The following FBXL17 variants were observed in gnomAD, a reference collection of about 807,000 sequenced individuals.
FBXL17 encodes F-box/LRR-repeat protein 17.
A neutral mutation model predicts 66.2 loss-of-function variants in FBXL17; 22 were observed. That is an observed-to-expected ratio of 0.33 (90% CI 0.24 to 0.47). The LOEUF is 0.47. FBXL17 is among the 20% of genes least tolerant of loss of function. FBXL17 has a pLI of 1.00. For missense variants in FBXL17, 878 were observed against 948.2 expected, an observed-to-expected ratio of 0.93 and a Z score of 0.97; for synonymous variants, 474 against 400.5, an observed-to-expected ratio of 1.18 and a Z score of -2.19.
chr5:108,028,030 A>G (rs906136055), intron 6 of FBXL17, among the ~76,000 whole-genome samples: 2 of 152,156 alleles, frequency 1.3e-5, no homozygotes, highest in African/African-American at 4.8e-5. Context: ...TTTAATACAG[A>G]CAGCAGAAGA....
At chr5:107,945,522 T>C (rs537490875) in intron 7 of FBXL17, among the ~76,000 whole-genome samples, 4 of 152,258 alleles carry the variant, frequency 2.6e-5, no homozygotes, top group Admixed American at 1.3e-4. Flanking sequence ...TGGTATAACA[T>C]ATAAGAGCAA....
chr5:108,126,306 G>T (rs1485567992), intron 6 of FBXL17, among the ~76,000 whole-genome samples: 6 of 151,960 alleles, frequency 3.9e-5, no homozygotes, highest in Non-Finnish European at 7.4e-5. Context: ...CTATTTTGGA[G>T]GTCTTGTAGG....
Position 107,888,759 on chromosome 5 carries a change from C to T in FBXL17, c.1823-7580G>A, listed in dbSNP as rs780164368. Among the ~76,000 whole-genome samples the T allele has an allele frequency of 1.7e-4, 26 of 152,178 alleles. 1 individual carries two copies. Among genetic ancestry groups the T allele is most frequent in the South Asian group, 2.1e-4 (1 of 4,806 alleles). Reference sequence around the variant, plus strand: ...TGCTGATGGACATCTGGGTGGTTTCCGCCTTGGGGCTATTACAGATAATGC... The same window carrying T: ...TGCTGATGGACATCTGGGTGGTTTCTGCCTTGGGGCTATTACAGATAATGC... On this transcript the variant is annotated intron_variant, in intron 7 of 8. Transcript: ENST00000542267.
chr5:108,178,141 C>A (rs1161063314), intron 6 of FBXL17, among the ~76,000 whole-genome samples: 1 of 151,910 alleles, frequency 6.6e-6, no homozygotes, highest in Non-Finnish European at 1.5e-5. Context: ...TCTTCCCAGT[C>A]TCGAGCTATC....
intron 4 of FBXL17, among the ~76,000 whole-genome samples, chr5:108,320,985 A>G (rs1449651068): frequency 1.3e-5 from 2 of 151,842 alleles, no homozygotes; most frequent in African/African-American, 2.4e-5. Flanking sequence ...ATAATTACCA[A>G]CTAGTACACC....
chr5:108,168,574 T>C (rs1205176855), intron 6 of FBXL17, among the ~76,000 whole-genome samples: 1 of 152,172 alleles, frequency 6.6e-6, no homozygotes, highest in Non-Finnish European at 1.5e-5. Flanking sequence ...TTAATCTACC[T>C]AGGTGGAATC....
intron 8 of FBXL17, among the ~76,000 whole-genome samples, chr5:107,868,770 C>T (rs189197305): frequency 5.0e-4 from 76 of 152,342 alleles, no homozygotes; most frequent in Admixed American, 1.2e-3. Flanking sequence ...CTGGAAAGGG[C>T]TTTCCAAATG....
intron 7 of FBXL17, among the ~76,000 whole-genome samples, chr5:107,942,387 C>A (rs114616315): frequency 3.5e-4 from 54 of 152,298 alleles, no homozygotes; most frequent in African/African-American, 1.3e-3. Context: ...ATAACCTCTG[C>A]TGCAATTAAA....
At chr5:107,947,087 A>G (rs7716454) in intron 7 of FBXL17, among the ~76,000 whole-genome samples, 113,625 of 152,106 alleles carry the variant, frequency 0.75, 42,607 homozygotes, top group Middle Eastern at 0.79. Flanking sequence ...GTCTCTCAGT[A>G]AACTCCAGTT....
At chr5:107,893,108 T>A (rs951730629) in intron 7 of FBXL17, among the ~76,000 whole-genome samples, 5 of 151,750 alleles carry the variant, frequency 3.3e-5, no homozygotes, top group African/African-American at 1.2e-4. Context: ...TAGGAACTAA[T>A]GAAAAAGTAG....
chr5:108,005,731 A>G (rs1753896955), intron 7 of FBXL17, among the ~76,000 whole-genome samples: 1 of 152,210 alleles, frequency 6.6e-6, no homozygotes, highest in Non-Finnish European at 1.5e-5. Flanking sequence ...TAGGGACACC[A>G]TTGCTTTCGA....
At chr5:108,226,072 G>A (rs1561475412) in intron 4 of FBXL17, among the ~76,000 whole-genome samples, 1 of 151,992 alleles carries the variant, frequency 6.6e-6, no homozygotes, top group Non-Finnish European at 1.5e-5. Context: ...CCCTCTCTGT[G>A]TCTCACCACA....
At position 107,933,351 on chromosome 5, in the gene FBXL17, A is replaced by G. The variant is rs187397938; in HGVS notation, c.1823-52172T>C. 7.2e-5 allele frequency among the ~76,000 whole-genome samples: 11 copies of G among 152,276 alleles called. No individual in the cohort carries two copies. In the East Asian group the frequency reaches 2.1e-3, roughly 29 times the overall value. ...CCACACATTCGGTCTGGGTATGTGCATCACAAATATTTTCTATTTACTTAT... is the reference window on the plus strand; with the variant it reads ...CCACACATTCGGTCTGGGTATGTGCGTCACAAATATTTTCTATTTACTTAT... On this transcript the variant is annotated intron_variant, in intron 7 of 8. Coordinates refer to ENST00000542267, the MANE Select transcript of FBXL17 (RefSeq NM_001163315.3).
chr5:108,217,078 C>T (rs935548500), intron 5 of FBXL17, among the ~76,000 whole-genome samples: 7 of 152,072 alleles, frequency 4.6e-5, no homozygotes, highest in Non-Finnish European at 8.8e-5. Flanking sequence ...CACCTCAGCC[C>T]GATTGTTCCC....
intron 6 of FBXL17, among the ~76,000 whole-genome samples, chr5:108,095,103 T>A (rs1749320756): frequency 6.6e-6 from 1 of 152,052 alleles, no homozygotes; most frequent in Admixed American, 6.5e-5. Flanking sequence ...TTTACAACAT[T>A]CATTTAAAAA....
chr5:107,980,664 A>ATT (rs57472813), intron 7 of FBXL17, among the ~76,000 whole-genome samples: 6 of 62,072 alleles, frequency 9.7e-5, no homozygotes, highest in East Asian at 1.1e-3. Context: ...ATATATATAT[A>ATT]TTTTTTTTTT....
At chr5:108,235,287 T>C (rs985170545) in intron 4 of FBXL17, among the ~76,000 whole-genome samples, 9 of 152,328 alleles carry the variant, frequency 5.9e-5, no homozygotes, top group Middle Eastern at 3.4e-3. Context: ...TGAAAACATA[T>C]ACTTCTAATC....
At chr5:108,143,167 C>A (rs1431343314) in intron 6 of FBXL17, among the ~76,000 whole-genome samples, 2 of 151,902 alleles carry the variant, frequency 1.3e-5, no homozygotes, top group African/African-American at 4.8e-5. Context: ...CTGTCTTCCA[C>A]AAAACCAGTC....
intron 4 of FBXL17, among the ~76,000 whole-genome samples, chr5:108,332,191 T>A (rs182158225): frequency 6.6e-6 from 1 of 152,172 alleles, no homozygotes; most frequent in Non-Finnish European, 1.5e-5. Context: ...AAGTTATTGA[T>A]AATATTCTAA....
Sources: allele counts gnomAD v4.1 joint callset (sites outside exome capture counted in the v4.1 genomes callset), GRCh38; gene constraint gnomAD v4.1.1; transcripts MANE v1.5; gene names NCBI Gene and HGNC (gene_info 2026-07-23, HGNC 2026-07-21).